The following MYH11 variants were observed in gnomAD, a reference collection of about 807,000 sequenced individuals.
MYH11 encodes the protein myosin heavy chain 11.
In MYH11, 80 loss-of-function variants were observed where a neutral mutation model predicts 246.6. That is an observed-to-expected ratio of 0.32 (90% confidence interval 0.27 to 0.39). The LOEUF (loss-of-function observed/expected upper bound fraction) is 0.39, where lower values mean the gene tolerates loss of function less well. Among genes scored for constraint, MYH11 ranks in the 10% least tolerant of loss-of-function variants. The probability of loss-of-function intolerance (pLI) is 1.00; values close to 1 mark genes in which losing one functional copy is unlikely to be tolerated. For synonymous variants in MYH11, 1,071 were observed against 1,015.5 expected, an observed-to-expected ratio of 1.05 and a Z score of -1.04; for missense variants, 2,158 against 2,546.8, an observed-to-expected ratio of 0.85 and a Z score of 3.29.
intron 28 of MYH11, 50 bp downstream of exon 28, chr16:15,726,798 A>C (rs754992839): frequency 5.6e-5 from 90 of 1,600,914 alleles, no homozygotes; most frequent in Non-Finnish European, 7.3e-5. Flanking sequence ...TCCCCACAGA[A>C]CTGGGCACCA....
At chr16:15,811,703 G>T (rs926960668) in intron 3 of MYH11, among the ~76,000 whole-genome samples, 4 of 152,080 alleles carry the variant, frequency 2.6e-5, no homozygotes, top group African/African-American at 9.7e-5. Context: ...ATACAGCCGA[G>T]TGTGGGAACT....
intron 16 of MYH11, chr16:15,749,436 C>T: frequency 6.5e-6 from 1 of 152,808 alleles, no homozygotes. Context: ...TTCCATGTCA[C>T]CAAGTTGATG....
intron 13 of MYH11, among the ~76,000 whole-genome samples, chr16:15,757,475 C>G (rs2041754497): frequency 7.9e-6 from 1 of 126,436 alleles, no homozygotes; most frequent in African/African-American, 3.0e-5. Flanking sequence ...TGCCACTGCA[C>G]TCCAGCCTGG....
In MYH11 at chr16:15,741,684, TG is replaced by T; in HGVS notation, c.2653-16del. ...TCCTCGGTCAGCTGCACGCAGGTGG[TG>T]GGGAGGAGGCGGGTGAGCCCCACGG... On this transcript the variant is annotated splice_polypyrimidine_tract_variant and intron_variant, in intron 21 of 40. Coordinates refer to ENST00000300036, the MANE Select transcript of MYH11 (RefSeq NM_002474.3). 1 of 1,613,984 alleles carries T rather than the reference TG, an allele frequency of 6.2e-7. No homozygotes were observed.
chr16:15,733,100 G>A (rs2041014041), intron 26 of MYH11: 2 of 278,758 alleles, frequency 7.2e-6, no homozygotes, highest in South Asian at 4.5e-5. Flanking sequence ...CAAAGAGGCA[G>A]GTGTGTTATT....
chr16:15,732,049 C>T (rs926247064), intron 27 of MYH11, among the ~76,000 whole-genome samples: 1 of 152,100 alleles, frequency 6.6e-6, no homozygotes, highest in African/African-American at 2.4e-5. Context: ...GCAACCTCTG[C>T]CTCCTGGGTT....
At chr16:15,792,076 T>G (rs2042624009) in intron 4 of MYH11, 1 of 152,352 alleles carries the variant, frequency 6.6e-6, no homozygotes, top group South Asian at 2.1e-4. Context: ...CTTTTGTTTT[T>G]TGAGACAGAG....
intron 4 of MYH11, among the ~76,000 whole-genome samples, chr16:15,793,606 T>G (rs1021360214): frequency 6.9e-6 from 1 of 144,416 alleles, no homozygotes; most frequent in Non-Finnish European, 1.5e-5. Flanking sequence ...TTTCAGTTTC[T>G]TTTCTTTTCT....
At chr16:15,793,539 C>T (rs908311530) in intron 4 of MYH11, among the ~76,000 whole-genome samples, 2 of 152,070 alleles carry the variant, frequency 1.3e-5, no homozygotes, top group African/African-American at 2.4e-5. Context: ...GCCACCCTCC[C>T]GCCTCGGCCT....
At chr16:15,752,878 CTAAA>C (rs1482900937) in intron 15 of MYH11, among the ~76,000 whole-genome samples, 25 of 152,112 alleles carry the variant, frequency 1.6e-4, no homozygotes, top group Admixed American at 1.6e-3. Flanking sequence ...GACTCTGTCC[CTAAA>C]TAAATAAACA....
At position 15,703,977 on chromosome 16, in the gene MYH11, C is replaced by T. The variant is rs2039317760; in HGVS notation, c.*14G>A. The T allele has an allele frequency of 6.2e-7, 1 of 1,613,760 alleles. No individual in the cohort carries two copies. The highest frequency in any genetic ancestry group is 1.3e-5 in the African/African-American group (1 of 74,860). On this transcript the variant is annotated 3_prime_UTR_variant, in exon 41 of 41. Transcript: ENST00000300036. ...TTGGTTTTCTTGCCGTGGTGCAAAA[C>T]TGTAGAAAGTTGCTTATTCACTGGC...
intron 4 of MYH11, among the ~76,000 whole-genome samples, chr16:15,789,381 TGA>T (rs1269416648): frequency 6.6e-6 from 1 of 152,106 alleles, no homozygotes; most frequent in Non-Finnish European, 1.5e-5. Flanking sequence ...AGCAATCTAA[TGA>T]GAGAGTTATT....
intron 37 of MYH11, chr16:15,718,070 A>G: frequency 1.7e-6 from 1 of 581,498 alleles, no homozygotes; most frequent in Non-Finnish European, 3.0e-6. Flanking sequence ...GCCGTGAGGT[A>G]CGGGGAGCCA....
intron 10 of MYH11, among the ~76,000 whole-genome samples, chr16:15,762,182 C>T (rs544103250): frequency 1.4e-4 from 22 of 152,250 alleles, no homozygotes; most frequent in African/African-American, 4.6e-4. Flanking sequence ...ACCATGTTGG[C>T]GAGGCTGGTC....
chr16:15,710,861 A>G (rs1272803917), intron 40 of MYH11, among the ~76,000 whole-genome samples: 1 of 152,024 alleles, frequency 6.6e-6, no homozygotes, highest in Non-Finnish European at 1.5e-5. Flanking sequence ...TGTTTTTAGT[A>G]GAGATGAAGT....
At chr16:15,739,923 G>A (rs2041223719) in intron 23 of MYH11, 128 bp downstream of exon 23, 2 of 979,932 alleles carry the variant, frequency 2.0e-6, no homozygotes, top group East Asian at 5.1e-5. Context: ...TGTATTTTTA[G>A]TAGAGATGGA....
Position 15,735,620 on chromosome 16 carries a change from T to C in MYH11, c.3294-42A>G, listed in dbSNP as rs560456053. 8.1e-6 allele frequency: 13 copies of C among 1,609,632 alleles called. No individual in the cohort carries two copies. In the South Asian group the frequency reaches 1.2e-4, roughly 15 times the overall value. On this transcript the variant is annotated intron_variant, in intron 25 of 40. Transcript: ENST00000300036. ...CAGCAGAATGAACCCCCAGGTCCCT[T>C]GGTTTCCTCTCTTACAATGTGGCCA...
chr16:15,804,157 C>T (rs993372569), intron 3 of MYH11, among the ~76,000 whole-genome samples: 1 of 152,120 alleles, frequency 6.6e-6, no homozygotes, highest in Non-Finnish European at 1.5e-5. Context: ...TCTTCTCTGG[C>T]CTAATCCATT....
chr16:15,740,571 A>G (rs2041245194), intron 22 of MYH11, among the ~76,000 whole-genome samples: 1 of 151,666 alleles, frequency 6.6e-6, no homozygotes, highest in African/African-American at 2.4e-5. Context: ...AGATCGCACC[A>G]TCGCACCCCA....
Sources: gnomAD v4.1 joint callset for allele counts (sites outside exome capture counted in the v4.1 genomes callset) on GRCh38, gnomAD v4.1.1 for gene constraint, MANE v1.5 for transcripts, NCBI Gene and HGNC (gene_info 2026-07-23, HGNC 2026-07-21) for gene names.